SLC39A8: variants seen among roughly 807,000 people sequenced by gnomAD.
The protein encoded by SLC39A8 is solute carrier family 39 member 8.
A neutral mutation model predicts 40.4 loss-of-function variants in SLC39A8; 15 were observed. The observed-to-expected ratio is 0.37, with a 90% CI of 0.25 to 0.57. The LOEUF (loss-of-function observed/expected upper bound fraction) is 0.57. Among genes scored for constraint, SLC39A8 ranks in the 20% least tolerant of loss-of-function variants. SLC39A8 has a pLI of 0.75. For missense variants in SLC39A8, 472 were observed against 558.8 expected (o/e 0.84, Z 1.57); for synonymous variants, 223 against 221.6 (o/e 1.01, Z -0.06).
chr4:102,291,941 C>T (rs1481534488), intron 6 of SLC39A8, among the ~76,000 whole-genome samples: 4 of 151,624 alleles, frequency 2.6e-5, no homozygotes, highest in African/African-American at 9.7e-5. Context: ...GGATACTAAG[C>T]CAGGCACAGA....
intron 2 of SLC39A8, among the ~76,000 whole-genome samples, chr4:102,331,593 A>G (rs1436569786): frequency 6.6e-6 from 1 of 152,204 alleles, no homozygotes; most frequent in Non-Finnish European, 1.5e-5. Flanking sequence ...ATACTGCCCA[A>G]CGTAATTTAT....
At chr4:102,282,302 C>G (rs375253751) in intron 6 of SLC39A8, among the ~76,000 whole-genome samples, 9 of 152,328 alleles carry the variant, frequency 5.9e-5, no homozygotes, top group East Asian at 5.8e-4. Flanking sequence ...TACATCTTCT[C>G]TCATGACATG....
At chr4:102,303,208 G>A (rs1304681638) in intron 6 of SLC39A8, among the ~76,000 whole-genome samples, 1 of 151,816 alleles carries the variant, frequency 6.6e-6, no homozygotes, top group Non-Finnish European at 1.5e-5. Flanking sequence ...AAACCTGGAG[G>A]GGTTATTTAA....
At chr4:102,283,688 C>A (rs233817) in intron 6 of SLC39A8, among the ~76,000 whole-genome samples, 34,102 of 152,098 alleles carry the variant, frequency 0.22, 4,446 homozygotes, top group Non-Finnish European at 0.29. Context: ...CCTGACTGAC[C>A]CGTTCTTAGT....
chr4:102,333,578 G>T (rs1341855440), intron 2 of SLC39A8, among the ~76,000 whole-genome samples: 1 of 152,184 alleles, frequency 6.6e-6, no homozygotes, highest in Admixed American at 6.5e-5. Context: ...GGCAAAACAG[G>T]AATACCAAAA....
chr4:102,264,543 T>TA (rs1294305147), intron 8 of SLC39A8, among the ~76,000 whole-genome samples: 2 of 152,214 alleles, frequency 1.3e-5, no homozygotes, highest in African/African-American at 2.4e-5. Context: ...GACCTCAACT[T>TA]AAAGTTACCA....
chr4:102,299,073 T>C (rs1219116826), intron 6 of SLC39A8, among the ~76,000 whole-genome samples: 1 of 151,858 alleles, frequency 6.6e-6, no homozygotes, highest in Non-Finnish European at 1.5e-5. Context: ...CTGAAGACAG[T>C]TGGGAAGTAC....
intron 3 of SLC39A8, among the ~76,000 whole-genome samples, chr4:102,313,148 T>C (rs1402909063): frequency 6.6e-6 from 1 of 152,158 alleles, no homozygotes; most frequent in Non-Finnish European, 1.5e-5. Context: ...GCTTTGTATA[T>C]ATAAATACAG....
chr4:102,296,002 C>A, intron 6 of SLC39A8, among the ~76,000 whole-genome samples: 1 of 152,006 alleles, frequency 6.6e-6, no homozygotes, highest in Non-Finnish European at 1.5e-5. Flanking sequence ...CCTGATAAAT[C>A]GTCATTTGAA....
intron 8 of SLC39A8, among the ~76,000 whole-genome samples, chr4:102,266,908 G>A (rs1471771446): frequency 1.3e-5 from 2 of 152,190 alleles, no homozygotes; most frequent in African/African-American, 2.4e-5. Flanking sequence ...ACCCGGCCAT[G>A]CACGCTCTTT....
At position 102,320,226 on chromosome 4, in the gene SLC39A8, T is replaced by C. The variant is rs1451253626; in HGVS notation, c.220-4396A>G. Among the ~76,000 whole-genome samples the C allele has an allele frequency of 2.2e-5, 3 of 136,610 alleles. No individual in the cohort carries two copies. In the East Asian group the frequency reaches 6.1e-4, roughly 28 times the overall value. 89.6% of individuals were successfully genotyped at this position (136,610 alleles called of 152,430 possible). A position where few individuals can be genotyped will look rare whatever the true frequency, so the allele number is the denominator to read the frequency against. ...ATGTATATATATATGTATATATGTA[T>C]GAGTATATATATATGAGAATATATA... On this transcript the variant is annotated intron_variant, in intron 2 of 8. Transcript: ENST00000356736.
At chr4:102,290,462 A>T (rs1326015521) in intron 6 of SLC39A8, among the ~76,000 whole-genome samples, 1 of 152,098 alleles carries the variant, frequency 6.6e-6, no homozygotes, top group Non-Finnish European at 1.5e-5. Context: ...GAACATAATG[A>T]TGTTTCTGGA....
intron 6 of SLC39A8, among the ~76,000 whole-genome samples, chr4:102,274,036 T>G (rs192962769): frequency 6.4e-4 from 98 of 152,224 alleles, no homozygotes; most frequent in Non-Finnish European, 8.8e-4. Flanking sequence ...CCAGAATGCT[T>G]CTTCTCCTCC....
chr4:102,259,191 TG>T (rs1042110867), downstream of SLC39A8, among the ~76,000 whole-genome samples: 3 of 152,356 alleles, frequency 2.0e-5, no homozygotes, highest in Admixed American at 6.5e-5. Context: ...ATTTCCCATT[TG>T]AATTCTTCCA....
intron 6 of SLC39A8, among the ~76,000 whole-genome samples, chr4:102,299,014 C>T (rs1353756453): frequency 6.6e-6 from 1 of 151,970 alleles, no homozygotes; most frequent in Admixed American, 6.6e-5. Context: ...AGATCTACCC[C>T]TGGGGAAAGT....
At chr4:102,287,114 C>T (rs1265762660) in intron 6 of SLC39A8, among the ~76,000 whole-genome samples, 1 of 152,072 alleles carries the variant, frequency 6.6e-6, no homozygotes, top group African/African-American at 2.4e-5. Flanking sequence ...AGCTAAAAAG[C>T]TACCCCAGTG....
intron 2 of SLC39A8, among the ~76,000 whole-genome samples, chr4:102,333,427 T>G (rs1300992557): frequency 6.6e-6 from 1 of 152,148 alleles, no homozygotes; most frequent in East Asian, 1.9e-4. Context: ...AGAGATTAAC[T>G]AAGAGATATT....
intron 2 of SLC39A8, among the ~76,000 whole-genome samples, chr4:102,336,907 A>G (rs1735691455): frequency 6.6e-6 from 1 of 152,242 alleles, no homozygotes; most frequent in Admixed American, 6.5e-5. Context: ...AAAGTTGGAA[A>G]TGGGAAAATT....
At chr4:102,283,966 G>C (rs1369059821) in intron 6 of SLC39A8, among the ~76,000 whole-genome samples, 4 of 151,858 alleles carry the variant, frequency 2.6e-5, no homozygotes, top group African/African-American at 9.7e-5. Context: ...CACATGGATG[G>C]TTCCTTCTTA....
Sources: allele counts gnomAD v4.1 joint callset (sites outside exome capture counted in the v4.1 genomes callset), GRCh38; gene constraint gnomAD v4.1.1; transcripts MANE v1.5; gene names NCBI Gene and HGNC (gene_info 2026-07-23, HGNC 2026-07-21).